Variants in SCFD2 observed in about 807,000 individuals in gnomAD.
SCFD2 encodes the protein sec1 family domain containing 2.
In SCFD2, 54 loss-of-function variants were observed where a neutral mutation model predicts 58.9. That is an observed-to-expected ratio of 0.92 (90% CI 0.74 to 1.15). The LOEUF (loss-of-function observed/expected upper bound fraction) is 1.15, where lower values mean the gene tolerates loss of function less well. Ranked by LOEUF, SCFD2 falls within the 50% of genes most tolerant of loss-of-function variation. SCFD2 has a pLI of 0.00. For missense variants in SCFD2, 805 were observed against 836.6 expected (o/e 0.96, Z 0.47); for synonymous variants, 321 against 335.9 (o/e 0.96, Z 0.49).
chr4:52,895,676 G>C (rs1259227976), intron 7 of SCFD2, among the ~76,000 whole-genome samples: 1 of 152,048 alleles, frequency 6.6e-6, no homozygotes, highest in Non-Finnish European at 1.5e-5. Context: ...TAATCCTTTG[G>C]GTATATACCT....
intron 5 of SCFD2, among the ~76,000 whole-genome samples, chr4:53,121,650 G>A (rs1473392307): frequency 2.0e-5 from 3 of 152,170 alleles, no homozygotes; most frequent in Non-Finnish European, 2.9e-5. Flanking sequence ...AGAGCCAACT[G>A]AATGCGGTGC....
intron 2 of SCFD2, among the ~76,000 whole-genome samples, chr4:53,324,232 C>A (rs1046964046): frequency 9.2e-5 from 14 of 151,788 alleles, no homozygotes; most frequent in Non-Finnish European, 2.1e-4. Flanking sequence ...GCCTGGGCAA[C>A]CTAGCAAGAC....
intron 5 of SCFD2, among the ~76,000 whole-genome samples, chr4:53,022,677 T>C (rs1231259219): frequency 6.6e-6 from 1 of 152,220 alleles, no homozygotes; most frequent in Non-Finnish European, 1.5e-5. Context: ...GATTAATTCC[T>C]GCCAGACTAC....
rs1177826885 is a variant in SCFD2 at position 53,258,381 on chromosome 4, T to C, written c.1311+15445A>G. 1.3e-5 allele frequency among the ~76,000 whole-genome samples: 2 copies of C among 151,936 alleles called. 1 individual carries two copies. Among genetic ancestry groups the C allele is most frequent in the South Asian group, 4.1e-4 (2 of 4,824 alleles). On this transcript the variant is annotated intron_variant, in intron 4 of 8. Coordinates refer to ENST00000401642, the MANE Select transcript of SCFD2 (RefSeq NM_152540.4). ...TCATTCTTATGTCTTTGTGTCTTCA[T>C]AGCCTAGTTCCCACTTTCGAGTGAG...
intron 1 of SCFD2, among the ~76,000 whole-genome samples, chr4:53,354,044 G>A (rs926819895): frequency 2.0e-5 from 3 of 152,274 alleles, no homozygotes; most frequent in Non-Finnish European, 2.9e-5. Flanking sequence ...CGCCAGGGCT[G>A]CAGCTGGAGC....
At chr4:53,242,952 A>G (rs1257301857) in intron 4 of SCFD2, among the ~76,000 whole-genome samples, 1 of 152,254 alleles carries the variant, frequency 6.6e-6, no homozygotes, top group Non-Finnish European at 1.5e-5. Context: ...ATGAAAAAAC[A>G]TAAATAAAAC....
chr4:52,988,391 T>C (rs1577882510), intron 5 of SCFD2, among the ~76,000 whole-genome samples: 1 of 152,260 alleles, frequency 6.6e-6, no homozygotes, highest in Non-Finnish European at 1.5e-5. Flanking sequence ...AACAAAATAA[T>C]GTTGCTTTAG....
rs78637396 is a variant in SCFD2 at position 52,888,409 on chromosome 4, C to T, written c.1843-2543G>A. Among the ~76,000 whole-genome samples the T allele has an allele frequency of 8.2e-3, 1,244 of 152,230 alleles. 11 individuals are homozygous for T. Among genetic ancestry groups the T allele is most frequent in the African/African-American group, 0.025 (1,023 of 41,552 alleles). Reference sequence around the variant, plus strand: ...TCATCTTTAGAAAAAGACTCAAGTCCGCATCCTGCTCTGCACCTCTGTTTC... The same window carrying T: ...TCATCTTTAGAAAAAGACTCAAGTCTGCATCCTGCTCTGCACCTCTGTTTC... On this transcript the variant is annotated intron_variant, in intron 7 of 8. Coordinates refer to ENST00000401642, the MANE Select transcript of SCFD2 (RefSeq NM_152540.4).
intron 5 of SCFD2, among the ~76,000 whole-genome samples, chr4:52,937,012 T>C (rs1419899818): frequency 6.6e-6 from 1 of 152,116 alleles, no homozygotes; most frequent in Non-Finnish European, 1.5e-5. Flanking sequence ...TGGTGAGAAA[T>C]AGACATATAC....
intron 4 of SCFD2, among the ~76,000 whole-genome samples, chr4:53,238,101 G>A (rs1458535572): frequency 2.4e-5 from 3 of 127,000 alleles, no homozygotes; most frequent in Admixed American, 7.6e-5. Flanking sequence ...CGGGCAGAGG[G>A]GCTCCTCACT....
At chr4:52,914,822 C>T (rs900107763) in intron 6 of SCFD2, among the ~76,000 whole-genome samples, 3 of 151,932 alleles carry the variant, frequency 2.0e-5, no homozygotes, top group African/African-American at 4.8e-5. Flanking sequence ...AAAAAGGGGC[C>T]CATGAAGGTC....
intron 4 of SCFD2, among the ~76,000 whole-genome samples, chr4:53,256,068 A>C (rs1474471350): frequency 5.4e-5 from 7 of 130,582 alleles, no homozygotes; most frequent in Admixed American, 1.5e-4. Context: ...GTGGGGGCTG[A>C]CCCCCACCTC....
At chr4:53,050,836 C>G (rs939339809) in intron 5 of SCFD2, among the ~76,000 whole-genome samples, 10 of 152,180 alleles carry the variant, frequency 6.6e-5, no homozygotes, top group African/African-American at 2.4e-4. Flanking sequence ...TGCATTCCTC[C>G]AACTCCCAGT....
At chr4:53,238,399 G>T (rs1194002432) in intron 4 of SCFD2, among the ~76,000 whole-genome samples, 4 of 143,744 alleles carry the variant, frequency 2.8e-5, no homozygotes, top group Non-Finnish European at 6.2e-5. Flanking sequence ...GGCCTGGCGG[G>T]GGGCTGACCC....
chr4:53,311,632 C>G (rs995524946), intron 3 of SCFD2, among the ~76,000 whole-genome samples: 1 of 135,432 alleles, frequency 7.4e-6, no homozygotes, highest in South Asian at 2.5e-4. Context: ...TCCTACTTTC[C>G]TTGATTCACA....
chr4:53,194,354 A>G (rs1489162994), intron 4 of SCFD2, among the ~76,000 whole-genome samples: 7 of 152,110 alleles, frequency 4.6e-5, no homozygotes, highest in African/African-American at 1.4e-4. Context: ...GCTTATTCCA[A>G]TTATGTAAAG....
chr4:53,247,883 A>T (rs1413063892), intron 4 of SCFD2, among the ~76,000 whole-genome samples: 10 of 151,384 alleles, frequency 6.6e-5, no homozygotes, highest in East Asian at 3.9e-4. Flanking sequence ...AAAAAAAAAA[A>T]AAAAAAAAAA....
At position 53,249,956 on chromosome 4, in the gene SCFD2, A is replaced by G. The variant is rs191735001; in HGVS notation, c.1311+23870T>C. ...ATCAAATTCACACATAACAATGTCA[A>G]CTTTAAATGTAAATGAACTAAATGC... On this transcript the variant is annotated intron_variant, in intron 4 of 8. Transcript: ENST00000401642. Among the ~76,000 whole-genome samples the G allele has an allele frequency of 9.2e-5, 14 of 152,370 alleles. No homozygotes were observed. In the East Asian group the frequency reaches 2.5e-3, roughly 27 times the overall value.
chr4:53,058,465 AG>A, intron 5 of SCFD2, among the ~76,000 whole-genome samples: 1 of 152,298 alleles, frequency 6.6e-6, no homozygotes, highest in South Asian at 2.1e-4. Context: ...GCAGAATTTT[AG>A]GACCAAAGTC....
Sources: gnomAD v4.1 joint callset for allele counts (sites outside exome capture counted in the v4.1 genomes callset) on GRCh38, gnomAD v4.1.1 for gene constraint, MANE v1.5 for transcripts, NCBI Gene and HGNC (gene_info 2026-07-23, HGNC 2026-07-21) for gene names.